Variants in FAP observed in about 807,000 individuals in gnomAD.
The protein encoded by FAP is prolyl endopeptidase FAP.
Under a neutral mutation model 126.5 loss-of-function variants are expected in FAP, and 110 were observed. The observed-to-expected ratio is 0.87, with a 90% CI of 0.74 to 1.02. The LOEUF is 1.02. Among genes scored for constraint, FAP ranks in the 50% least tolerant of loss-of-function variants. The pLI, the probability that FAP is intolerant of heterozygous loss-of-function variation, is 0.00. For missense variants in FAP, 919 were observed against 909.2 expected (o/e 1.01, Z -0.14); for synonymous variants, 334 against 297.3 (o/e 1.12, Z -1.27).
At position 162,200,605 on chromosome 2, in the gene FAP, T is replaced by A; in HGVS notation, c.1238A>T (p.Asn413Ile). 1 of 1,457,190 alleles carries A rather than the reference T, an allele frequency of 6.9e-7. No homozygotes were observed. The highest frequency in any genetic ancestry group is 9.4e-7 in the Non-Finnish European group (1 of 1,063,334). The allele number at this position is 1,457,190 out of a possible 1,614,324, so 90.3% of individuals were successfully genotyped here. A position where few individuals can be genotyped will look rare whatever the true frequency, so the allele number is the denominator to read the frequency against. The change falls in exon 15 of 26, where the codon AAT becomes ATT. Residue 413 changes from asparagine to isoleucine, a missense_variant. Asn to Ile is a moderately radical substitution (Grantham distance 149). Coordinates refer to ENST00000188790, the MANE Select transcript of FAP (RefSeq NM_004460.5). ...TCTTCCAGGGTATTCTTCAAATTCA[T>A]TGCTAGAATAAAACCTGAAAATATA... ...VTQDSLFYSS[N>I]EFEEYPGRRN...
intron 12 of FAP, among the ~76,000 whole-genome samples, chr2:162,206,362 T>G (rs1688695883): frequency 6.6e-6 from 1 of 152,228 alleles, no homozygotes; most frequent in Non-Finnish European, 1.5e-5. Flanking sequence ...CATCTCTATA[T>G]GAAGTGCAAA....
chr2:162,174,999 T>A (rs1242739892), intron 21 of FAP, 33 bp from the exon 22 acceptor site: 8 of 1,467,676 alleles, frequency 5.5e-6, no homozygotes, highest in Middle Eastern at 1.7e-4. Flanking sequence ...CAGACTCAGA[T>A]TTACTTTCAT....
At position 162,202,944 on chromosome 2, in the gene FAP, T is replaced by C. The variant is rs777989185; in HGVS notation, c.1153-2A>G. On this transcript the variant is annotated splice_acceptor_variant, in intron 13 of 25. Transcript: ENST00000188790. LOFTEE classifies it high-confidence loss of function. Reference sequence around the variant, plus strand: ...ACTTGTAATTTGAATAGCATTTTCCTATAAAAAGACAAACATTATGTTGTG... The same window carrying C: ...ACTTGTAATTTGAATAGCATTTTCCCATAAAAAGACAAACATTATGTTGTG... The C allele has an allele frequency of 8.7e-6, 14 of 1,612,784 alleles. No individual in the cohort carries two copies. Among genetic ancestry groups the C allele is most frequent in the East Asian group, 2.2e-5 (1 of 44,850 alleles).
chr2:162,200,116 C>T (rs1157285095), intron 15 of FAP, among the ~76,000 whole-genome samples: 1 of 152,174 alleles, frequency 6.6e-6, no homozygotes, highest in Non-Finnish European at 1.5e-5. Context: ...CATTTCAGTC[C>T]TCAAGGGAAC....
chr2:162,240,430 T>C (rs943535998), intron 2 of FAP, among the ~76,000 whole-genome samples: 10 of 152,144 alleles, frequency 6.6e-5, no homozygotes, highest in Non-Finnish European at 1.5e-4. Flanking sequence ...AGACGTGATG[T>C]GAAATAACAC....
chr2:162,218,836 A>G (rs1163935497), intron 8 of FAP, among the ~76,000 whole-genome samples: 1 of 152,086 alleles, frequency 6.6e-6, no homozygotes, highest in Non-Finnish European at 1.5e-5. Context: ...ATAAATCATT[A>G]CTACCACTTC....
chr2:162,174,653 G>A (rs1246144645), intron 22 of FAP, among the ~76,000 whole-genome samples: 1 of 151,958 alleles, frequency 6.6e-6, no homozygotes, highest in African/African-American at 2.4e-5. Context: ...AAGATATAGT[G>A]GATTATGGAT....
intron 11 of FAP, among the ~76,000 whole-genome samples, chr2:162,212,688 T>C (rs967478449): frequency 6.6e-6 from 1 of 152,204 alleles, no homozygotes; most frequent in Non-Finnish European, 1.5e-5. Context: ...GTTCTGTGCT[T>C]TTCTTTTTAC....
At chr2:162,211,649 C>T (rs1442279121) in intron 11 of FAP, among the ~76,000 whole-genome samples, 2 of 151,910 alleles carry the variant, frequency 1.3e-5, no homozygotes, top group African/African-American at 2.4e-5. Flanking sequence ...AGATAAGACT[C>T]GGAAAAAATA....
At position 162,243,395 on chromosome 2, in the gene FAP, C is replaced by A. The variant is rs898915182; in HGVS notation, c.-68G>T. On this transcript the variant is annotated 5_prime_UTR_variant, in exon 1 of 26. Coordinates refer to ENST00000188790, the MANE Select transcript of FAP (RefSeq NM_004460.5). ...GCGTGGGTCACTGGATCTGTGAAAA[C>A]CGTTGAAAAGGACCAAGTCTGTCTT... The A allele has an allele frequency of 6.3e-7, 1 of 1,578,792 alleles. No homozygotes were observed. The highest frequency in any genetic ancestry group is 8.6e-7 in the Non-Finnish European group (1 of 1,167,616).
chr2:162,227,732 C>T (rs1689713838), intron 2 of FAP, among the ~76,000 whole-genome samples: 1 of 152,164 alleles, frequency 6.6e-6, no homozygotes, highest in Non-Finnish European at 1.5e-5. Context: ...GTGGGGCAGT[C>T]TACCCTGCCA....
At chr2:162,187,834 G>C (rs1687910600) in intron 20 of FAP, among the ~76,000 whole-genome samples, 1 of 151,968 alleles carries the variant, frequency 6.6e-6, no homozygotes, top group African/African-American at 2.4e-5. Flanking sequence ...TCAGATATTT[G>C]TTTTCCTGAA....
intron 21 of FAP, among the ~76,000 whole-genome samples, chr2:162,180,780 G>A (rs1045473203): frequency 9.9e-5 from 15 of 152,178 alleles, no homozygotes; most frequent in Admixed American, 6.5e-5. Flanking sequence ...TTAGGCGTAA[G>A]TTAAGTTTGA....
chr2:162,185,977 C>T lies in FAP; in HGVS notation c.1814+2192G>A, dbSNP rs114317124. On this transcript the variant is annotated intron_variant, in intron 20 of 25. Coordinates refer to ENST00000188790, the MANE Select transcript of FAP (RefSeq NM_004460.5). ...GCATAAGAACAATTTCAAGCAAAAACCAAGGCCAGCTCTGGCTGTCATCTC... is the reference window on the plus strand; with the variant it reads ...GCATAAGAACAATTTCAAGCAAAAATCAAGGCCAGCTCTGGCTGTCATCTC... Among the ~76,000 whole-genome samples the T allele has an allele frequency of 5.8e-3, 886 of 152,196 alleles. 11 individuals carry two copies. Among genetic ancestry groups the T allele is most frequent in the African/African-American group, 0.02 (828 of 41,514 alleles).
chr2:162,198,286 G>GT (rs1381533512), intron 16 of FAP: 19 of 1,289,768 alleles, frequency 1.5e-5, no homozygotes, highest in Non-Finnish European at 1.9e-5. Context: ...TTTCCAAGCC[G>GT]TTGTTCATTC....
intron 23 of FAP, 43 bp from the exon 24 acceptor site, chr2:162,173,264 C>A: frequency 1.4e-6 from 2 of 1,442,942 alleles, no homozygotes; most frequent in South Asian, 2.3e-5. Flanking sequence ...GCTGCAAGTT[C>A]TAATAGAAAA....
At chr2:162,225,026 A>G (rs1022530793) in intron 4 of FAP, among the ~76,000 whole-genome samples, 2 of 152,164 alleles carry the variant, frequency 1.3e-5, no homozygotes, top group African/African-American at 2.4e-5. Flanking sequence ...CTTATTAAGC[A>G]CTTATTCTAT....
At chr2:162,174,791 T>C (rs2106212222) in intron 22 of FAP, 76 bp downstream of exon 22, 1 of 1,034,436 alleles carries the variant, frequency 9.7e-7, no homozygotes, top group East Asian at 2.5e-5. Context: ...GCATAATCCA[T>C]TTTTCTAGCA....
intron 2 of FAP, among the ~76,000 whole-genome samples, chr2:162,232,207 T>A (rs761086369): frequency 3.3e-5 from 5 of 152,222 alleles, no homozygotes; most frequent in Non-Finnish European, 5.9e-5. Context: ...TGTTATAATT[T>A]ATAAGTTCTT....
Sources: gnomAD v4.1 joint callset for allele counts (sites outside exome capture counted in the v4.1 genomes callset) on GRCh38, gnomAD v4.1.1 for gene constraint, MANE v1.5 for transcripts, NCBI Gene and HGNC (gene_info 2026-07-23, HGNC 2026-07-21) for gene names.